IFT43: variants seen among roughly 807,000 people sequenced by gnomAD.
IFT43 encodes the protein intraflagellar transport 43, also known as intraflagellar transport protein 43 homolog.
IFT43 carries 33 observed loss-of-function variants against 32.3 expected under a neutral mutation model. The observed-to-expected ratio is 1.02, with a 90% confidence interval of 0.77 to 1.37. The LOEUF (loss-of-function observed/expected upper bound fraction) is 1.37, where lower values mean the gene tolerates loss of function less well. Ranked by LOEUF, IFT43 falls within the 40% of genes most tolerant of loss-of-function variation. IFT43 has a pLI of 0.00. For synonymous variants in IFT43, 93 were observed against 98.2 expected, an observed-to-expected ratio of 0.95 and a Z score of 0.31; for missense variants, 274 against 265.9, an observed-to-expected ratio of 1.03 and a Z score of -0.21.
chr14:76,012,794 T>C (rs920406236), intron 2 of IFT43, among the ~76,000 whole-genome samples: 7 of 152,234 alleles, frequency 4.6e-5, no homozygotes, highest in South Asian at 2.1e-4. Context: ...GTTTAGGGAA[T>C]GTTACCTGGC....
In IFT43 at chr14:76,083,534, A is replaced by G. The variant is rs2037554831; in HGVS notation, c.584A>G (p.Gln195Arg). 6.2e-7 allele frequency: 1 copy of G among 1,614,064 alleles called. No individual in the cohort carries two copies. Among genetic ancestry groups the G allele is most frequent in the African/African-American group, 1.3e-5 (1 of 74,948 alleles). ...GTCCTCACTGAGTGGGACCCACTGC[A>G]GACGGAGAAGGAGGACCCTGCGGGG... ...SEVLTEWDPLQTEKEDPAGQA... is the reference protein window; with the variant it reads ...SEVLTEWDPLRTEKEDPAGQA... The change falls in exon 9 of 9, where the codon CAG (glutamine) becomes CGG (arginine). Residue 195 changes from glutamine (Q) to arginine (R), a missense_variant. Physicochemically the swap from Gln to Arg is conservative, Grantham distance 43 (BLOSUM62 1). Coordinates refer to ENST00000314067, the MANE Select transcript of IFT43 (RefSeq NM_001102564.3).
intron 5 of IFT43, among the ~76,000 whole-genome samples, chr14:76,066,495 A>T (rs887330250): frequency 2.0e-5 from 3 of 152,264 alleles, no homozygotes; most frequent in Admixed American, 2.0e-4. Flanking sequence ...ATGCAGTAGG[A>T]ATCATATGTT....
chr14:76,025,219 G>A lies in IFT43; in HGVS notation c.215+2825G>A, dbSNP rs79639568. 2.0e-4 allele frequency among the ~76,000 whole-genome samples: 30 copies of A among 152,190 alleles called. 1 individual carries two copies. In the East Asian group the frequency reaches 5.2e-3, roughly 26 times the overall value. On this transcript the variant is annotated intron_variant, in intron 3 of 8. Coordinates refer to ENST00000314067, the MANE Select transcript of IFT43 (RefSeq NM_001102564.3). Reference sequence around the variant, plus strand: ...TTGAGCAGTTGTTGCCTTCAAAATGGCATATCTTGAAAGATCTCTATGAGG... The same window carrying A: ...TTGAGCAGTTGTTGCCTTCAAAATGACATATCTTGAAAGATCTCTATGAGG...
chr14:76,078,983 TTAGCATATCTC>T, intron 5 of IFT43, among the ~76,000 whole-genome samples: 1 of 152,294 alleles, frequency 6.6e-6, no homozygotes, highest in East Asian at 1.9e-4. Flanking sequence ...GGGAGAGGAC[TTAGCATATCTC>T]TAGTTATTGG....
intron 2 of IFT43, among the ~76,000 whole-genome samples, chr14:75,994,886 C>G (rs140312460): frequency 3.3e-5 from 5 of 152,290 alleles, no homozygotes; most frequent in Middle Eastern, 3.4e-3. Flanking sequence ...TGCTTTCTAC[C>G]GAAAAGTTAC....
chr14:76,062,156 C>T (rs376352115), intron 5 of IFT43, among the ~76,000 whole-genome samples: 3 of 151,758 alleles, frequency 2.0e-5, no homozygotes, highest in East Asian at 1.9e-4. Flanking sequence ...CTGCAAGCTC[C>T]GCCTCCTGGG....
At chr14:75,991,728 A>G (rs1276215033) in intron 2 of IFT43, among the ~76,000 whole-genome samples, 1 of 152,010 alleles carries the variant, frequency 6.6e-6, no homozygotes, top group East Asian at 1.9e-4. Flanking sequence ...ACCTTTTTTT[A>G]ACTCTGTGCA....
intron 1 of IFT43, chr14:75,986,339 T>C (rs1435620261): frequency 8.5e-7 from 1 of 1,172,406 alleles, no homozygotes; most frequent in African/African-American, 1.6e-5. Flanking sequence ...GGAGTTAACC[T>C]CAGTTACCTC....
At chr14:76,055,890 T>C (rs1445441463) in intron 3 of IFT43, among the ~76,000 whole-genome samples, 1 of 152,184 alleles carries the variant, frequency 6.6e-6, no homozygotes, top group Non-Finnish European at 1.5e-5. Context: ...AAACCAGCAG[T>C]GCAGATCATG....
At chr14:76,010,681 TA>T (rs917638881) in intron 2 of IFT43, among the ~76,000 whole-genome samples, 7 of 150,838 alleles carry the variant, frequency 4.6e-5, no homozygotes, top group Non-Finnish European at 8.9e-5. Flanking sequence ...AGCATATATC[TA>T]AAAAAAAAGA....
intron 2 of IFT43, among the ~76,000 whole-genome samples, chr14:75,999,245 ATAT>A (rs2035811537): frequency 4.3e-5 from 1 of 23,164 alleles, no homozygotes; most frequent in African/African-American, 2.4e-4. Context: ...ATATATATAT[ATAT>A]ATATATATAT....
chr14:75,997,188 G>A (rs1249394638), intron 2 of IFT43, among the ~76,000 whole-genome samples: 1 of 152,172 alleles, frequency 6.6e-6, no homozygotes, highest in Non-Finnish European at 1.5e-5. Flanking sequence ...AAGAGAGAGA[G>A]CATGGCATGG....
chr14:76,008,716 A>G (rs2036024555), intron 2 of IFT43, among the ~76,000 whole-genome samples: 1 of 152,094 alleles, frequency 6.6e-6, no homozygotes, highest in African/African-American at 2.4e-5. Flanking sequence ...AAGCTACTCC[A>G]CTGTTGATAT....
chr14:76,081,987 G>A (rs1241396753), intron 5 of IFT43, among the ~76,000 whole-genome samples: 2 of 152,166 alleles, frequency 1.3e-5, no homozygotes, highest in Non-Finnish European at 1.5e-5. Context: ...TCTCCTTGGA[G>A]ATCCACTGCA....
chr14:76,012,663 G>T (rs920484543), intron 2 of IFT43, among the ~76,000 whole-genome samples: 1 of 152,208 alleles, frequency 6.6e-6, no homozygotes, highest in African/African-American at 2.4e-5. Context: ...ACTCGGAGAC[G>T]TGACTCCAGC....
At position 76,059,218 on chromosome 14, in the gene IFT43, A is replaced by G. The variant is rs909012031; in HGVS notation, c.249-109A>G. The G allele has an allele frequency of 1.2e-5, 19 of 1,606,500 alleles. No individual in the cohort carries two copies. The African/African-American group carries it at 1.2e-4, about 10-fold the overall frequency. The stretch of plus-strand genomic sequence containing the variant: ...TAAGTTGACAGAGAAAAACAGGTTC[A>G]GGGACATTTTCATCTAGGAGAAAGA... On this transcript the variant is annotated intron_variant, in intron 4 of 8. Transcript: ENST00000314067.
At position 76,065,106 on chromosome 14, in the gene IFT43, C is replaced by T. The variant is rs367657838; in HGVS notation, c.295+5733C>T. ...ACCTTTAAGCTTCTCTAGGACATCT[C>T]GTCCAGACCTGTCCTTTGTCATGTT... On this transcript the variant is annotated intron_variant, in intron 5 of 8. Coordinates refer to ENST00000314067, the MANE Select transcript of IFT43 (RefSeq NM_001102564.3). Among the ~76,000 whole-genome samples, 181 of 152,266 alleles carry T rather than the reference C, an allele frequency of 1.2e-3. 5 individuals carry two copies. In the South Asian group the frequency reaches 0.035, roughly 30 times the overall value.
intron 3 of IFT43, among the ~76,000 whole-genome samples, chr14:76,042,796 C>T (rs1214438256): frequency 6.6e-6 from 1 of 152,234 alleles, no homozygotes; most frequent in Non-Finnish European, 1.5e-5. Context: ...GTTCTAGTTA[C>T]AGGTGCACCT....
rs559045978 is a variant in IFT43 at position 76,056,289 on chromosome 14, C to T, written c.216-2353C>T. 3.3e-5 allele frequency among the ~76,000 whole-genome samples: 5 copies of T among 152,302 alleles called. No homozygotes were observed. In the East Asian group the frequency reaches 9.7e-4, roughly 29 times the overall value. On this transcript the variant is annotated intron_variant, in intron 3 of 8. Coordinates refer to ENST00000314067, the MANE Select transcript of IFT43 (RefSeq NM_001102564.3). ...GCCACCTGAGGGCATCCCTGCTGCC[C>T]GTCCTTGAGGACTCCATTTGATCTT...
Sources: allele counts gnomAD v4.1 joint callset (sites outside exome capture counted in the v4.1 genomes callset), GRCh38; gene constraint gnomAD v4.1.1; transcripts MANE v1.5; gene names NCBI Gene and HGNC (gene_info 2026-07-23, HGNC 2026-07-21).